Variants in SPATA9 observed in about 807,000 individuals in gnomAD.
SPATA9 encodes the protein spermatogenesis-associated protein 9.
SPATA9 carries 27 observed loss-of-function variants against 25.5 expected under a neutral mutation model. That is an observed-to-expected ratio of 1.06 (90% CI 0.78 to 1.46). The LOEUF (loss-of-function observed/expected upper bound fraction) is 1.46. Ranked by LOEUF, SPATA9 falls within the 40% of genes most tolerant of loss-of-function variation. The pLI, the probability that SPATA9 is intolerant of heterozygous loss-of-function variation, is 0.00. For synonymous variants in SPATA9, 102 were observed against 105.7 expected, an observed-to-expected ratio of 0.97 and a Z score of 0.21; for missense variants, 282 against 297.5, an observed-to-expected ratio of 0.95 and a Z score of 0.38.
At chr5:95,731,323 C>G in the SPATA9 span, 1 of 1,079,488 alleles carries the variant, frequency 9.3e-7, no homozygotes, top group South Asian at 4.4e-5. Context: ...GGAGGAGGAG[C>G]AGCGGCAGCG....
At chr5:95,666,808 A>C (rs1206375298) in intron 3 of SPATA9, among the ~76,000 whole-genome samples, 2 of 152,212 alleles carry the variant, frequency 1.3e-5, no homozygotes, top group Non-Finnish European at 2.9e-5. Flanking sequence ...CTATACACTT[A>C]ATTTGTGCAC....
chr5:95,674,414 A>G (rs552431414), intron 3 of SPATA9, among the ~76,000 whole-genome samples: 2 of 152,200 alleles, frequency 1.3e-5, no homozygotes, highest in Non-Finnish European at 2.9e-5. Flanking sequence ...TAGGCCAATC[A>G]GTGCATCTCA....
At chr5:95,719,058 G>A in the SPATA9 span, among the ~76,000 whole-genome samples, 1,276 of 152,238 alleles carry the variant, frequency 8.4e-3, 19 homozygotes, top group African/African-American at 0.029. Flanking sequence ...ATGGAAAAAG[G>A]GGCTGAGATG....
At chr5:95,715,092 A>T in the SPATA9 span, among the ~76,000 whole-genome samples, 1 of 152,084 alleles carries the variant, frequency 6.6e-6, no homozygotes, top group Non-Finnish European at 1.5e-5. Context: ...TTGGGAGGCC[A>T]AGGCGGGCAG....
At chr5:95,715,840 T>C in the SPATA9 span, among the ~76,000 whole-genome samples, 3 of 152,204 alleles carry the variant, frequency 2.0e-5, no homozygotes, top group East Asian at 5.8e-4. Context: ...TAACAAAAAC[T>C]AAAATCTAGA....
the SPATA9 span, among the ~76,000 whole-genome samples, chr5:95,716,309 G>A: frequency 3.9e-5 from 6 of 152,368 alleles, no homozygotes; most frequent in East Asian, 9.6e-4. Context: ...AAAGCCACAT[G>A]GGCAGAGCTG....
chr5:95,674,323 C>T (rs1023924744), intron 3 of SPATA9, among the ~76,000 whole-genome samples: 3 of 152,100 alleles, frequency 2.0e-5, no homozygotes, highest in South Asian at 4.2e-4. Flanking sequence ...TGAGGATTCC[C>T]TCATTCCACA....
At chr5:95,678,322 A>G (rs907381849) in intron 2 of SPATA9, among the ~76,000 whole-genome samples, 4 of 152,222 alleles carry the variant, frequency 2.6e-5, no homozygotes, top group African/African-American at 9.6e-5. Context: ...GGTCGCAGTG[A>G]GTGGAGATTG....
chr5:95,725,497 C>T, the SPATA9 span, among the ~76,000 whole-genome samples: 230 of 152,382 alleles, frequency 1.5e-3, no homozygotes, highest in African/African-American at 5.0e-3. Flanking sequence ...CACACAAGCG[C>T]ACGCCTTTGC....
At chr5:95,684,606 C>G (rs1387032399), upstream of SPATA9, 2 of 152,182 alleles carry the variant, frequency 1.3e-5, no homozygotes, top group African/African-American at 4.8e-5. Flanking sequence ...GCCCTCTCCC[C>G]AGAAGTAGAG....
chr5:95,659,026 TAAA>T, intron 4 of SPATA9, 113 bp from the exon 5 acceptor site: 2 of 1,337,572 alleles, frequency 1.5e-6, no homozygotes, highest in Non-Finnish European at 2.0e-6. Flanking sequence ...CATAATCTAA[TAAA>T]AAACACTTCT....
At chr5:95,652,338 C>G (rs1303233246), downstream of SPATA9, 1 of 1,549,858 alleles carries the variant, frequency 6.5e-7, no homozygotes. Context: ...CCAAGTGAGT[C>G]CATAGAATTC....
At chr5:95,713,694 C>A in the SPATA9 span, 1 of 152,080 alleles carries the variant, frequency 6.6e-6, no homozygotes, top group African/African-American at 2.4e-5. Flanking sequence ...TAAGGTAGAT[C>A]TCCTTTACAT....
At chr5:95,731,335 C>A in the SPATA9 span, 1 of 1,100,812 alleles carries the variant, frequency 9.1e-7, no homozygotes, top group Non-Finnish European at 1.1e-6. Context: ...GCGGCAGCGG[C>A]AGCAGGAGGC....
chr5:95,669,937 G>A (rs1209501019), intron 3 of SPATA9, among the ~76,000 whole-genome samples: 1 of 152,082 alleles, frequency 6.6e-6, no homozygotes, highest in Non-Finnish European at 1.5e-5. Flanking sequence ...GAACCTGGAG[G>A]GGTTTGAGGA....
rs185603691 is a variant in SPATA9 at position 95,659,248 on chromosome 5, A to G, written c.475-335T>C. On this transcript the variant is annotated intron_variant, in intron 4 of 4. Transcript: ENST00000274432. The stretch of plus-strand genomic sequence containing the variant: ...TCTGAGAGATGGAATTTGTCCTCAA[A>G]CATGGTTTTTCTCAAAGTAGTTTTT... 1.5e-5 allele frequency: 3 copies of G among 198,816 alleles called. No individual in the cohort carries two copies. In the East Asian group the frequency reaches 3.8e-4, roughly 25 times the overall value. The allele number at this position is 198,816 out of a possible 1,614,324, so 12.3% of individuals were successfully genotyped here.
At chr5:95,696,142 T>C (rs889557601) in intron 1 of SPATA9, among the ~76,000 whole-genome samples, 1 of 152,120 alleles carries the variant, frequency 6.6e-6, no homozygotes, top group Non-Finnish European at 1.5e-5. Flanking sequence ...AATTATAGCT[T>C]TGTGAGAGAC....
At chr5:95,687,234 G>A (rs1298283652), upstream of SPATA9, among the ~76,000 whole-genome samples, 2 of 152,216 alleles carry the variant, frequency 1.3e-5, no homozygotes, top group African/African-American at 2.4e-5. Flanking sequence ...GGCCTTTGTA[G>A]AGACTTGAAG....
At chr5:95,731,843 C>T in the SPATA9 span, 1 of 1,607,994 alleles carries the variant, frequency 6.2e-7, no homozygotes, top group East Asian at 2.2e-5. Context: ...TCCCCTCGCC[C>T]CCTCTGTCCG....
Sources: allele counts gnomAD v4.1 joint callset (sites outside exome capture counted in the v4.1 genomes callset), GRCh38; gene constraint gnomAD v4.1.1; transcripts MANE v1.5; gene names NCBI Gene and HGNC (gene_info 2026-07-23, HGNC 2026-07-21).